The following STOX2 variants were observed in gnomAD, a reference collection of about 807,000 sequenced individuals.
STOX2 encodes storkhead-box protein 2.
A neutral mutation model predicts 60.9 loss-of-function variants in STOX2; 28 were observed. The ratio of observed to expected loss-of-function variants is 0.46; its 90% CI spans 0.34 to 0.63. STOX2 has a LOEUF of 0.63. STOX2 is among the 30% of genes least tolerant of loss of function. The pLI, the probability that STOX2 is intolerant of heterozygous loss-of-function variation, is 0.01. For synonymous variants in STOX2, 472 were observed against 463.9 expected (o/e 1.02, Z -0.22); for missense variants, 1,024 against 1,187.7 (o/e 0.86, Z 2.03).
At chr4:184,008,614 C>G (rs1169374677) in intron 2 of STOX2, among the ~76,000 whole-genome samples, 2 of 152,210 alleles carry the variant, frequency 1.3e-5, no homozygotes, top group East Asian at 1.9e-4. Context: ...AAACAGTAGT[C>G]AAGTCTAGTT....
At chr4:183,962,432 C>A (rs1743439709) in intron 1 of STOX2, among the ~76,000 whole-genome samples, 1 of 151,898 alleles carries the variant, frequency 6.6e-6, no homozygotes, top group Non-Finnish European at 1.5e-5. Context: ...CATTTTAAAG[C>A]ATCTAACAAA....
chr4:183,961,762 GA>G (rs1182243583), intron 1 of STOX2, among the ~76,000 whole-genome samples: 2 of 152,202 alleles, frequency 1.3e-5, no homozygotes, highest in African/African-American at 2.4e-5. Flanking sequence ...GCTTTGTAAA[GA>G]AAGACTTTAC....
intron 1 of STOX2, among the ~76,000 whole-genome samples, chr4:183,819,568 G>A (rs1739256088): frequency 7.7e-6 from 1 of 130,340 alleles, no homozygotes; most frequent in Non-Finnish European, 1.6e-5. Flanking sequence ...TGGGGAGAGG[G>A]AGAGGGGGAG....
intron 1 of STOX2, 125 bp downstream of exon 1, chr4:183,907,081 GA>G (rs1185017171): frequency 2.5e-5 from 20 of 803,740 alleles, no homozygotes; most frequent in Non-Finnish European, 3.4e-5. Context: ...GGGAAAGCAG[GA>G]AAAAATTAGC....
At chr4:183,952,088 A>G (rs2111147968) in intron 1 of STOX2, among the ~76,000 whole-genome samples, 1 of 152,316 alleles carries the variant, frequency 6.6e-6, no homozygotes, top group Non-Finnish European at 1.5e-5. Flanking sequence ...TCTTTCTTGG[A>G]AAACTTCGGC....
At position 183,906,898 on chromosome 4, in the gene STOX2, G is replaced by T. The variant is rs1360378385; in HGVS notation, c.108G>T (p.Leu36=). The T allele has an allele frequency of 4.5e-6, 7 of 1,550,586 alleles. No homozygotes were observed. Among genetic ancestry groups the T allele is most frequent in the Non-Finnish European group, 6.1e-6 (7 of 1,146,420 alleles). ...CCCGCAGCGAGAAGGACTACCGCCT[G>T]CACAAGCGTTTCCCCGCGGCCTTCG... ...MRSRSEKDYR[L]HKRFPAAFAP... The change falls in exon 1 of 4, where the codon CTG becomes CTT. Residue 36 remains leucine (L), a synonymous_variant. Coordinates refer to ENST00000308497, the MANE Select transcript of STOX2 (RefSeq NM_020225.3).
chr4:184,006,927 A>AAT (rs1733874931), intron 2 of STOX2, among the ~76,000 whole-genome samples: 1 of 143,786 alleles, frequency 7.0e-6, no homozygotes, highest in Non-Finnish European at 1.5e-5. Flanking sequence ...GAGGCAGGAG[A>AAT]ATGGCGTGAA....
intron 1 of STOX2, among the ~76,000 whole-genome samples, chr4:183,837,939 G>T (rs7659941): frequency 0.086 from 13,048 of 152,164 alleles, 1,814 homozygotes; most frequent in African/African-American, 0.3. Flanking sequence ...GTGGGTGTCT[G>T]TTCCAGTGGC....
intron 1 of STOX2, among the ~76,000 whole-genome samples, chr4:183,910,803 A>G (rs1385294303): frequency 1.3e-5 from 2 of 152,248 alleles, no homozygotes; most frequent in Non-Finnish European, 2.9e-5. Flanking sequence ...TGACATTGCA[A>G]GAAATTTGAA....
chr4:183,803,431 T>A (rs1738813622), intron 1 of STOX2, among the ~76,000 whole-genome samples: 1 of 152,168 alleles, frequency 6.6e-6, no homozygotes, highest in East Asian at 1.9e-4. Context: ...TCAAAAGAAG[T>A]TACAGTTCAA....
In STOX2 at chr4:183,865,657, G is replaced by A. The variant is rs1740546589; in HGVS notation, c.364+67602G>A. ...TGTAAAGAAAAAAATTCACTGAAGA[G>A]GAGGTAGTGATTTATGCTAAAAGAA... On this transcript the variant is annotated intron_variant, in intron 1 of 2. Coordinates refer to the STOX2 transcript ENST00000513034. This position sits in a 1 kb window ranked among gnomAD's most constrained non-coding sequence, Gnocchi z 4.1. Among the ~76,000 whole-genome samples the A allele has an allele frequency of 6.6e-6, 1 of 152,138 alleles. No individual in the cohort carries two copies. The highest frequency in any genetic ancestry group is 1.5e-5 in the Non-Finnish European group (1 of 68,016).
At chr4:183,997,846 G>A (rs1266577861) in intron 1 of STOX2, among the ~76,000 whole-genome samples, 2 of 152,100 alleles carry the variant, frequency 1.3e-5, no homozygotes, top group Non-Finnish European at 2.9e-5. Context: ...TTATTATAGT[G>A]AAACTGAGCT....
At chr4:183,918,617 G>A (rs1307208955) in intron 1 of STOX2, among the ~76,000 whole-genome samples, 1 of 152,226 alleles carries the variant, frequency 6.6e-6, no homozygotes, top group African/African-American at 2.4e-5. Context: ...TGAAAGTAAA[G>A]CCAGTAGGCT....
intron 1 of STOX2, among the ~76,000 whole-genome samples, chr4:183,998,947 A>T (rs1265738368): frequency 2.0e-5 from 3 of 152,094 alleles, no homozygotes; most frequent in Non-Finnish European, 4.4e-5. Context: ...AGCTATTTGG[A>T]AGCCTGAGGT....
At position 183,867,859 on chromosome 4, in the gene STOX2, A is replaced by T. The variant is rs908747004; in HGVS notation, c.364+69804A>T. Among the ~76,000 whole-genome samples, 4 of 152,346 alleles carry T rather than the reference A, an allele frequency of 2.6e-5. No individual in the cohort carries two copies. The East Asian group carries it at 5.8e-4, about 22-fold the overall frequency. On this transcript the variant is annotated intron_variant, in intron 1 of 2. Coordinates refer to the STOX2 transcript ENST00000513034. ...GAAGCAGACAGGAATGCAATTCACT[A>T]CAAGTGCCAAGAGCTAGAATAGAGC...
At chr4:183,949,554 T>C (rs556700567) in intron 1 of STOX2, among the ~76,000 whole-genome samples, 28 of 151,944 alleles carry the variant, frequency 1.8e-4, no homozygotes, top group Middle Eastern at 3.4e-3. Context: ...AAAAATTAGC[T>C]GGGCGTGGTG....
chr4:183,822,281 G>A (rs992078854), intron 1 of STOX2, among the ~76,000 whole-genome samples: 1 of 152,216 alleles, frequency 6.6e-6, no homozygotes, highest in Admixed American at 6.5e-5. Context: ...TGTATATCAT[G>A]GTCTCCAACC....
At chr4:183,999,511 C>G (rs1733494054) in intron 1 of STOX2, among the ~76,000 whole-genome samples, 1 of 152,086 alleles carries the variant, frequency 6.6e-6, no homozygotes, top group African/African-American at 2.4e-5. Flanking sequence ...TCTTATCCTC[C>G]TCATATCCAT....
At position 184,009,977 on chromosome 4, in the gene STOX2, A is replaced by C. The variant is rs776348493; in HGVS notation, c.1139A>C (p.Lys380Thr). 1 of 1,613,948 alleles carries C rather than the reference A, an allele frequency of 6.2e-7. No individual in the cohort carries two copies. The highest frequency in any genetic ancestry group is 1.1e-5 in the South Asian group (1 of 91,034). The change falls in exon 3 of 4, where the codon AAA becomes ACA. Residue 380 changes from lysine to threonine, a missense_variant. Transcript: ENST00000308497. The surrounding 1 kb of genome is among the most constrained non-coding windows in gnomAD (Gnocchi z 4.0). ...TCTCACAGCAAGACACGGGTGTCTA[A>C]AGGAGACCCTTCCGACGGTTCACAT... is the stretch of plus-strand genomic sequence containing the variant. ...SRSHSKTRVS[K>T]GDPSDGSHLD...
Sources: allele counts gnomAD v4.1 joint callset (sites outside exome capture counted in the v4.1 genomes callset), GRCh38; gene constraint gnomAD v4.1.1; non-coding constraint Gnocchi (gnomAD v3.1); transcripts MANE v1.5; gene names NCBI Gene and HGNC (gene_info 2026-07-23, HGNC 2026-07-21).